The following WWOX variants were observed in gnomAD, a reference collection of about 807,000 sequenced individuals.
WWOX encodes the protein WW domain-containing oxidoreductase.
A neutral mutation model predicts 46.2 loss-of-function variants in WWOX; 69 were observed. That is an observed-to-expected ratio of 1.49 (90% CI 1.23 to 1.82). The LOEUF (loss-of-function observed/expected upper bound fraction) is 1.82, where lower values mean the gene tolerates loss of function less well. Among genes scored for constraint, WWOX ranks in the 40% most tolerant of loss-of-function variants. The probability of loss-of-function intolerance (pLI) is 0.00; values close to 1 mark genes in which losing one functional copy is unlikely to be tolerated. For synonymous variants in WWOX, 359 were observed against 202.6 expected (o/e 1.77, Z -6.56); for missense variants, 919 against 542.6 (o/e 1.69, Z -6.89).
intron 8 of WWOX, among the ~76,000 whole-genome samples, chr16:79,122,764 C>T (rs1246187327): frequency 6.6e-6 from 1 of 152,150 alleles, no homozygotes; most frequent in East Asian, 1.9e-4. Context: ...ATTTAGTTCT[C>T]ATTGTAGGAA....
chr16:78,194,207 C>T (rs1000237751), intron 5 of WWOX, among the ~76,000 whole-genome samples: 2 of 152,002 alleles, frequency 1.3e-5, no homozygotes, highest in Non-Finnish European at 2.9e-5. Context: ...TCTTTGGAGT[C>T]AGGGTGTTTG....
intron 8 of WWOX, among the ~76,000 whole-genome samples, chr16:79,188,053 T>G (rs557026186): frequency 6.6e-6 from 1 of 152,348 alleles, no homozygotes; most frequent in South Asian, 2.1e-4. Flanking sequence ...TGGGTAGTTA[T>G]GCTCTTTTCT....
At chr16:78,114,917 T>C in intron 3 of WWOX, 59 bp from the exon 4 acceptor site, 1 of 1,609,750 alleles carries the variant, frequency 6.2e-7, no homozygotes, top group Non-Finnish European at 8.5e-7. Context: ...TAAGATTGTC[T>C]TATATTTATA....
intron 8 of WWOX, among the ~76,000 whole-genome samples, chr16:78,965,138 C>T (rs2046341137): frequency 6.6e-6 from 1 of 152,212 alleles, no homozygotes; most frequent in African/African-American, 2.4e-5. Context: ...CATACTGGGG[C>T]ACTGCCCAGT....
At chr16:79,177,908 G>A (rs200856800) in intron 8 of WWOX, among the ~76,000 whole-genome samples, 4 of 152,252 alleles carry the variant, frequency 2.6e-5, no homozygotes, top group East Asian at 1.9e-4. Context: ...AATTCTTAAA[G>A]TTCTGGAGCC....
chr16:79,014,390 A>G (rs1028470160), intron 8 of WWOX, among the ~76,000 whole-genome samples: 3 of 152,180 alleles, frequency 2.0e-5, no homozygotes, highest in African/African-American at 7.2e-5. Flanking sequence ...ATGGAAAAAC[A>G]CTGTGGAACC....
chr16:78,946,515 A>G (rs2045951665), intron 8 of WWOX, among the ~76,000 whole-genome samples: 1 of 152,104 alleles, frequency 6.6e-6, no homozygotes, highest in Non-Finnish European at 1.5e-5. Context: ...AGAAATAGTC[A>G]AGAAGTTTCT....
chr16:78,742,680 G>C (rs1597529892), intron 8 of WWOX, among the ~76,000 whole-genome samples: 2 of 152,198 alleles, frequency 1.3e-5, no homozygotes, highest in Non-Finnish European at 2.9e-5. Flanking sequence ...TGCGGAGTCA[G>C]AGCGTTCTGC....
Position 78,782,325 on chromosome 16 carries a change from C to T in WWOX, c.1056+349573C>T, listed in dbSNP as rs1351345514. On this transcript the variant is annotated intron_variant, in intron 8 of 8. Transcript: ENST00000566780. Reference sequence around the variant, plus strand: ...AAGAACCTTCTTGCTCCCTCTCCATCCTCTCTGTTTTCCTACTTTTCTTTG... The same window carrying T: ...AAGAACCTTCTTGCTCCCTCTCCATTCTCTCTGTTTTCCTACTTTTCTTTG... 2.0e-5 allele frequency among the ~76,000 whole-genome samples: 3 copies of T among 152,194 alleles called. No homozygotes were observed. In the East Asian group the frequency reaches 5.8e-4, roughly 29 times the overall value.
At chr16:78,174,790 C>G (rs992601156) in intron 5 of WWOX, among the ~76,000 whole-genome samples, 2 of 152,040 alleles carry the variant, frequency 1.3e-5, no homozygotes, top group Non-Finnish European at 2.9e-5. Flanking sequence ...AAGCTGGCGA[C>G]CAGCCTGGGC....
intron 8 of WWOX, among the ~76,000 whole-genome samples, chr16:78,958,796 A>G (rs1006162595): frequency 2.6e-5 from 4 of 152,200 alleles, no homozygotes; most frequent in South Asian, 2.1e-4. Flanking sequence ...AAAATAGGAC[A>G]TGGTTGGGGT....
intron 8 of WWOX, among the ~76,000 whole-genome samples, chr16:79,037,772 C>T (rs1036098009): frequency 6.6e-6 from 1 of 151,944 alleles, no homozygotes; most frequent in African/African-American, 2.4e-5. Context: ...GTTTTTATCC[C>T]CTACAAGGTC....
chr16:78,912,233 C>G (rs1056677245), intron 8 of WWOX, among the ~76,000 whole-genome samples: 1 of 152,028 alleles, frequency 6.6e-6, no homozygotes, highest in Non-Finnish European at 1.5e-5. Flanking sequence ...TGTTTTGAAG[C>G]ATGTCCTATC....
intron 8 of WWOX, among the ~76,000 whole-genome samples, chr16:78,744,714 G>C (rs2049308433): frequency 6.6e-6 from 1 of 152,106 alleles, no homozygotes; most frequent in Non-Finnish European, 1.5e-5. Flanking sequence ...TTACAGGCGT[G>C]AGCCACTGTG....
At chr16:78,552,663 C>T (rs753099571) in intron 8 of WWOX, 1 of 152,256 alleles carries the variant, frequency 6.6e-6, no homozygotes, top group Non-Finnish European at 1.5e-5. Context: ...TAGAAGAGGA[C>T]TTCTGCATCT....
chr16:78,569,078 CTG>C (rs1453077030), intron 8 of WWOX, among the ~76,000 whole-genome samples: 4 of 152,150 alleles, frequency 2.6e-5, no homozygotes, highest in African/African-American at 9.7e-5. Context: ...ACAGGCCACT[CTG>C]TCTGAGGAAC....
chr16:79,176,517 C>T (rs1339573531), intron 8 of WWOX, among the ~76,000 whole-genome samples: 1 of 152,146 alleles, frequency 6.6e-6, no homozygotes, highest in Non-Finnish European at 1.5e-5. Flanking sequence ...AGTTTTCTCC[C>T]CATTAGCATC....
intron 8 of WWOX, among the ~76,000 whole-genome samples, chr16:78,735,209 C>T (rs564868383): frequency 9.9e-5 from 15 of 152,156 alleles, no homozygotes; most frequent in African/African-American, 3.6e-4. Flanking sequence ...ACTGAAGCAT[C>T]AGCATTTCTT....
intron 4 of WWOX, among the ~76,000 whole-genome samples, chr16:78,116,435 A>AT (rs963934205): frequency 1.3e-5 from 2 of 152,266 alleles, no homozygotes; most frequent in African/African-American, 4.8e-5. Flanking sequence ...CGAGTGGAGA[A>AT]TTTTTTTACT....
Sources: gnomAD v4.1 joint callset for allele counts (sites outside exome capture counted in the v4.1 genomes callset) on GRCh38, gnomAD v4.1.1 for gene constraint, MANE v1.5 for transcripts, NCBI Gene and HGNC (gene_info 2026-07-23, HGNC 2026-07-21) for gene names.